The following COL14A1 variants were observed in gnomAD, a reference collection of about 807,000 sequenced individuals.
COL14A1 encodes the protein collagen type XIV alpha 1 chain.
In COL14A1, 136 loss-of-function variants were observed where a neutral mutation model predicts 230.3. The observed-to-expected ratio is 0.59, with a 90% CI of 0.51 to 0.68. COL14A1 has a LOEUF of 0.68. COL14A1 is among the 30% of genes least tolerant of loss of function. The pLI is 0.00. For synonymous variants in COL14A1, 792 were observed against 784.1 expected (o/e 1.01, Z -0.17); for missense variants, 1,976 against 2,215.8 (o/e 0.89, Z 2.17).
intron 5 of COL14A1, among the ~76,000 whole-genome samples, chr8:120,179,672 A>T (rs1816398150): frequency 6.6e-6 from 1 of 151,914 alleles, no homozygotes; most frequent in African/African-American, 2.4e-5. Context: ...ATTAGAAAAA[A>T]CTACTTCACC....
chr8:120,260,802 T>A (rs1819298385), intron 23 of COL14A1, among the ~76,000 whole-genome samples: 1 of 152,186 alleles, frequency 6.6e-6, no homozygotes, highest in Admixed American at 6.6e-5. Context: ...TAAAGCATCA[T>A]CTAATCTCTA....
intron 45 of COL14A1, among the ~76,000 whole-genome samples, chr8:120,360,188 C>T (rs1345912575): frequency 6.6e-6 from 1 of 152,214 alleles, no homozygotes; most frequent in Admixed American, 6.5e-5. Flanking sequence ...CTAGGCTCTA[C>T]AGGACTCCAG....
At chr8:120,169,276 C>G (rs975749509) in intron 5 of COL14A1, among the ~76,000 whole-genome samples, 14 of 152,104 alleles carry the variant, frequency 9.2e-5, no homozygotes, top group Admixed American at 7.2e-4. Context: ...TTTTAGATTG[C>G]CAAATTGATA....
chr8:120,210,624 T>G (rs565173923), intron 12 of COL14A1, among the ~76,000 whole-genome samples: 1 of 152,210 alleles, frequency 6.6e-6, no homozygotes, highest in Non-Finnish European at 1.5e-5. Flanking sequence ...TCATTTTTAA[T>G]TTGTAGTGGA....
At chr8:120,357,555 G>T (rs775254794) in intron 45 of COL14A1, among the ~76,000 whole-genome samples, 1 of 152,116 alleles carries the variant, frequency 6.6e-6, no homozygotes, top group Non-Finnish European at 1.5e-5. Context: ...GAGGAATTCG[G>T]CTGTACACTT....
chr8:120,344,956 G>C (rs561456859), intron 44 of COL14A1, among the ~76,000 whole-genome samples: 8 of 152,176 alleles, frequency 5.3e-5, no homozygotes, highest in Non-Finnish European at 1.0e-4. Context: ...CAGAGCACTT[G>C]TCTGGGGATT....
chr8:120,251,352 G>T (rs1176255311), intron 22 of COL14A1, among the ~76,000 whole-genome samples: 1 of 152,116 alleles, frequency 6.6e-6, no homozygotes, highest in Admixed American at 6.5e-5. Context: ...CCTGTAGCCC[G>T]AGATGGCCAA....
chr8:120,128,487 C>A (rs1314974134), intron 1 of COL14A1, among the ~76,000 whole-genome samples: 4 of 152,046 alleles, frequency 2.6e-5, no homozygotes, highest in African/African-American at 9.7e-5. Flanking sequence ...GTGGCTCATG[C>A]CTGTAATCCC....
intron 11 of COL14A1, among the ~76,000 whole-genome samples, chr8:120,208,795 T>A (rs1472368373): frequency 6.6e-6 from 1 of 152,152 alleles, no homozygotes; most frequent in African/African-American, 2.4e-5. Flanking sequence ...AAAACAAGCT[T>A]CTGAATACTA....
chr8:120,315,917 ACT>A, intron 39 of COL14A1, 25 bp from the exon 40 acceptor site: 1 of 1,612,060 alleles, frequency 6.2e-7, no homozygotes, highest in Non-Finnish European at 8.5e-7. Context: ...TGTGAACCTG[ACT>A]CTTTTTTGTC....
chr8:120,196,347 C>CT (rs1817039153), intron 5 of COL14A1, among the ~76,000 whole-genome samples: 1 of 152,114 alleles, frequency 6.6e-6, no homozygotes, highest in Non-Finnish European at 1.5e-5. Flanking sequence ...CCGCATTTCT[C>CT]TTTTTTCTAT....
chr8:120,269,435 C>T (rs1819591812), intron 25 of COL14A1, among the ~76,000 whole-genome samples: 1 of 151,708 alleles, frequency 6.6e-6, no homozygotes, highest in South Asian at 2.1e-4. Context: ...CATTAGTGTA[C>T]ATTTCTTGAC....
chr8:120,310,480 C>G (rs967566189), intron 37 of COL14A1, among the ~76,000 whole-genome samples: 1 of 152,182 alleles, frequency 6.6e-6, no homozygotes, highest in Non-Finnish European at 1.5e-5. Context: ...TATATATAAT[C>G]AAACACACAA....
At position 120,164,391 on chromosome 8, in the gene COL14A1, C is replaced by G. The variant is rs547319246; in HGVS notation, c.349+1822C>G. 4.6e-5 allele frequency among the ~76,000 whole-genome samples: 7 copies of G among 152,192 alleles called. No individual in the cohort carries two copies. The South Asian group carries it at 8.3e-4, about 18-fold the overall frequency. ...AACTTTTTGTGCAGCAATGTTCTAT[C>G]TAGATTTTTTACACCCCTTCCCTCC... On this transcript the variant is annotated intron_variant, in intron 4 of 47. Transcript: ENST00000297848.
chr8:120,179,466 G>A (rs1007976862), intron 5 of COL14A1, among the ~76,000 whole-genome samples: 2 of 152,062 alleles, frequency 1.3e-5, no homozygotes, highest in South Asian at 4.2e-4. Flanking sequence ...AAAATACTTA[G>A]GAATACAACT....
intron 17 of COL14A1, 25 bp downstream of exon 17, chr8:120,227,377 C>A (rs16893689): frequency 1.2e-5 from 19 of 1,612,002 alleles, no homozygotes; most frequent in Non-Finnish European, 1.4e-5. Context: ...GGCCACAGTG[C>A]GTTTTAGCTG....
chr8:120,365,067 A>G (rs1428175226), intron 45 of COL14A1, among the ~76,000 whole-genome samples: 1 of 152,042 alleles, frequency 6.6e-6, no homozygotes, highest in Non-Finnish European at 1.5e-5. Flanking sequence ...TATGTTACAG[A>G]TAATATCTGA....
At position 120,184,463 on chromosome 8, in the gene COL14A1, C is replaced by T. The variant is rs375272869; in HGVS notation, c.437-12328C>T. On this transcript the variant is annotated intron_variant, in intron 5 of 47. Coordinates refer to ENST00000297848, the MANE Select transcript of COL14A1 (RefSeq NM_021110.4). ...AGAGATGGGGTTTCACCATAGTGGC[C>T]AGGCTGGTCTCAAACTGCTGGCCTC... Among the ~76,000 whole-genome samples, 5 of 152,058 alleles carry T rather than the reference C, an allele frequency of 3.3e-5. No homozygotes were observed. The East Asian group carries it at 5.8e-4, about 18-fold the overall frequency.
chr8:120,182,927 A>T (rs964286183), intron 5 of COL14A1, among the ~76,000 whole-genome samples: 3 of 151,944 alleles, frequency 2.0e-5, no homozygotes, highest in African/African-American at 7.3e-5. Flanking sequence ...GGGTTTCACC[A>T]TATTGCCCAG....
Sources: allele counts gnomAD v4.1 joint callset (sites outside exome capture counted in the v4.1 genomes callset), GRCh38; gene constraint gnomAD v4.1.1; transcripts MANE v1.5; gene names NCBI Gene and HGNC (gene_info 2026-07-23, HGNC 2026-07-21).